The following AHCY variants were observed in gnomAD, a reference collection of about 807,000 sequenced individuals.
The protein encoded by AHCY is S-adenosyl-L-homocysteine hydrolase.
In AHCY, 24 loss-of-function variants were observed where a neutral mutation model predicts 45.4. That is an observed-to-expected ratio of 0.53 (90% confidence interval 0.38 to 0.74). AHCY has a LOEUF of 0.74. Among genes scored for constraint, AHCY ranks in the 30% least tolerant of loss-of-function variants. The probability of loss-of-function intolerance (pLI) is 0.00; values close to 1 mark genes in which losing one functional copy is unlikely to be tolerated. For synonymous variants in AHCY, 245 were observed against 235.1 expected (o/e 1.04, Z -0.39); for missense variants, 449 against 594.1 (o/e 0.76, Z 2.54).
At chr20:34,232,803 G>C in the AHCY span, among the ~76,000 whole-genome samples, 1 of 152,226 alleles carries the variant, frequency 6.6e-6, no homozygotes, top group African/African-American at 2.4e-5. Context: ...GTCCACATGA[G>C]TTTCTCTGTT....
chr20:34,311,295 A>C (rs969186480), intron 1 of AHCY, among the ~76,000 whole-genome samples: 1 of 152,232 alleles, frequency 6.6e-6, no homozygotes, highest in Non-Finnish European at 1.5e-5. Context: ...CTGGATGTAC[A>C]AGAAACTGCT....
the AHCY span, among the ~76,000 whole-genome samples, chr20:34,269,792 A>T: frequency 6.6e-6 from 1 of 151,650 alleles, no homozygotes; most frequent in Non-Finnish European, 1.5e-5. Flanking sequence ...AAAAAATATA[A>T]AATTATTTGG....
chr20:34,276,142 C>T (rs2035908736), downstream of AHCY, among the ~76,000 whole-genome samples: 1 of 152,184 alleles, frequency 6.6e-6, no homozygotes, highest in Non-Finnish European at 1.5e-5. Context: ...GCCACCTCCA[C>T]CTACTGTGCA....
At chr20:34,242,274 C>A in the AHCY span, among the ~76,000 whole-genome samples, 1 of 151,310 alleles carries the variant, frequency 6.6e-6, no homozygotes, top group Non-Finnish European at 1.5e-5. Flanking sequence ...TCACTGTCAC[C>A]CAGGCTGGAG....
chr20:34,265,736 G>A, the AHCY span, among the ~76,000 whole-genome samples: 1 of 151,042 alleles, frequency 6.6e-6, no homozygotes, highest in Non-Finnish European at 1.5e-5. Flanking sequence ...GATCACCTTA[G>A]GTCAGGAATT....
the AHCY span, chr20:34,241,398 T>A: frequency 7.3e-6 from 7 of 957,080 alleles, no homozygotes; most frequent in Non-Finnish European, 8.7e-6. Flanking sequence ...CTTGTTCTTG[T>A]CTTTGAAGTT....
the AHCY span, among the ~76,000 whole-genome samples, chr20:34,241,044 G>A: frequency 1.3e-5 from 2 of 152,174 alleles, no homozygotes; most frequent in Non-Finnish European, 2.9e-5. Flanking sequence ...TCCACGGACA[G>A]GAAAGACGCT....
At chr20:34,267,189 G>A in the AHCY span, among the ~76,000 whole-genome samples, 1 of 152,120 alleles carries the variant, frequency 6.6e-6, no homozygotes, top group East Asian at 1.9e-4. Flanking sequence ...TTACATTCTT[G>A]TGGAGAAAAC....
At chr20:34,270,866 C>T in the AHCY span, among the ~76,000 whole-genome samples, 2 of 152,218 alleles carry the variant, frequency 1.3e-5, no homozygotes, top group Admixed American at 1.3e-4. Flanking sequence ...CTATGTTGCT[C>T]AAGCTGGTCT....
chr20:34,269,014 GGT>G, the AHCY span: 1 of 1,607,994 alleles, frequency 6.2e-7, no homozygotes, highest in South Asian at 1.1e-5. Flanking sequence ...TGAAGAAAGT[GGT>G]GCGGCCCCGG....
the AHCY span, among the ~76,000 whole-genome samples, chr20:34,264,861 T>C: frequency 2.1e-5 from 3 of 141,380 alleles, no homozygotes; most frequent in Non-Finnish European, 4.6e-5. Context: ...AGTGGCACCA[T>C]CTCGGCTCAT....
the AHCY span, among the ~76,000 whole-genome samples, chr20:34,235,786 GAAGAAAGAAAGA>G: frequency 0.011 from 658 of 61,364 alleles, 52 homozygotes; most frequent in African/African-American, 0.025. Context: ...CTCTGAGAAA[GAAGAAAGAAAGA>G]AAGAAAGAAA....
At chr20:34,266,197 C>CAA in the AHCY span, among the ~76,000 whole-genome samples, 14 of 151,636 alleles carry the variant, frequency 9.2e-5, no homozygotes, top group Admixed American at 8.5e-4. Flanking sequence ...ACTAAAAATA[C>CAA]AAAAATTAGC....
At chr20:34,300,255 CCATGCTCTAA>C (rs2036725526) in intron 1 of AHCY, among the ~76,000 whole-genome samples, 1 of 152,128 alleles carries the variant, frequency 6.6e-6, no homozygotes, top group African/African-American at 2.4e-5. Flanking sequence ...TTCACTGGTC[CCATGCTCTAA>C]CATGCCATTC....
At chr20:34,284,137 C>A (rs961300522) in intron 9 of AHCY, among the ~76,000 whole-genome samples, 1 of 152,066 alleles carries the variant, frequency 6.6e-6, no homozygotes, top group African/African-American at 2.4e-5. Context: ...GACCATACAA[C>A]CATAGTGAGA....
At chr20:34,260,366 C>G in the AHCY span, 4 of 1,612,260 alleles carry the variant, frequency 2.5e-6, no homozygotes, top group Non-Finnish European at 3.4e-6. Flanking sequence ...CCCACTCAGG[C>G]CTCCTGGGAT....
chr20:34,278,572 T>A (rs965466185), downstream of AHCY, among the ~76,000 whole-genome samples: 3 of 152,112 alleles, frequency 2.0e-5, no homozygotes, highest in African/African-American at 7.2e-5. Flanking sequence ...GTTCCAGAGT[T>A]CCTGATCTAA....
the AHCY span, among the ~76,000 whole-genome samples, chr20:34,273,725 G>A: frequency 2.0e-5 from 3 of 152,358 alleles, no homozygotes; most frequent in African/African-American, 7.2e-5. Context: ...AATTTAAGAT[G>A]AGTCTAGAGT....
chr20:34,280,929 G>T lies in AHCY; in HGVS notation c.*105C>A. The T allele has an allele frequency of 6.5e-7, 1 of 1,531,234 alleles. No homozygotes were observed. Among genetic ancestry groups the T allele is most frequent in the Non-Finnish European group, 8.9e-7 (1 of 1,124,776 alleles). 94.9% of individuals were successfully genotyped at this position (1,531,234 alleles called of 1,614,324 possible). A position where few individuals can be genotyped will look rare whatever the true frequency, so the allele number is the denominator to read the frequency against. ...TGATCAGCCCCAGAGAGTCGATGGG[G>T]GACACTGACAAACCAATCACAAAGT... On this transcript the variant is annotated 3_prime_UTR_variant, in exon 10 of 10. Coordinates refer to ENST00000217426, the MANE Select transcript of AHCY (RefSeq NM_000687.4).
Sources: gnomAD v4.1 joint callset for allele counts (sites outside exome capture counted in the v4.1 genomes callset) on GRCh38, gnomAD v4.1.1 for gene constraint, MANE v1.5 for transcripts, NCBI Gene and HGNC (gene_info 2026-07-23, HGNC 2026-07-21) for gene names.